Variants in WASHC4 observed in about 807,000 individuals in gnomAD.
The protein encoded by WASHC4 is WASH complex subunit 4.
WASHC4 carries 86 observed loss-of-function variants against 166.6 expected under a neutral mutation model. That is an observed-to-expected ratio of 0.52 (90% CI 0.43 to 0.62). The LOEUF (loss-of-function observed/expected upper bound fraction) is 0.62, where lower values mean the gene tolerates loss of function less well. Ranked by LOEUF, WASHC4 falls within the 20% of genes least tolerant of loss-of-function variation. WASHC4 has a pLI of 0.00. For synonymous variants in WASHC4, 446 were observed against 451.6 expected (o/e 0.99, Z 0.16); for missense variants, 1,262 against 1,382.4 (o/e 0.91, Z 1.38).
At chr12:105,130,072 C>A (rs1274372316) in intron 13 of WASHC4, among the ~76,000 whole-genome samples, 1 of 152,024 alleles carries the variant, frequency 6.6e-6, no homozygotes, top group African/African-American at 2.4e-5. Context: ...ATGAGAAAAC[C>A]CTACAGAGAT....
chr12:105,119,519 A>G (rs1360967249), intron 7 of WASHC4, among the ~76,000 whole-genome samples: 1 of 152,126 alleles, frequency 6.6e-6, no homozygotes, highest in African/African-American at 2.4e-5. Flanking sequence ...AACTCTTTAT[A>G]CTGGAGTGTT....
At chr12:105,162,291 TTAGG>T (rs1434296238) in intron 29 of WASHC4, among the ~76,000 whole-genome samples, 21 of 152,198 alleles carry the variant, frequency 1.4e-4, no homozygotes, top group African/African-American at 4.6e-4. Context: ...TTCGAATGAA[TTAGG>T]TAGGTGTAAG....
At chr12:105,131,656 T>TA (rs1881833552) in intron 13 of WASHC4, among the ~76,000 whole-genome samples, 3 of 152,166 alleles carry the variant, frequency 2.0e-5, no homozygotes, top group Admixed American at 2.0e-4. Context: ...TCCTGCTGAG[T>TA]CTTGATCACA....
intron 13 of WASHC4, among the ~76,000 whole-genome samples, chr12:105,127,620 C>G (rs1422561095): frequency 1.3e-5 from 2 of 152,096 alleles, no homozygotes; most frequent in African/African-American, 4.8e-5. Context: ...TAAAAACATT[C>G]TGTGTCCATG....
At chr12:105,152,252 G>T in intron 25 of WASHC4, 91 bp from the exon 26 acceptor site, 1 of 706,456 alleles carries the variant, frequency 1.4e-6, no homozygotes. Flanking sequence ...ATACAAAATT[G>T]AAAGGAGAGT....
intron 25 of WASHC4, among the ~76,000 whole-genome samples, chr12:105,150,435 T>C (rs564717686): frequency 2.2e-4 from 34 of 152,344 alleles, no homozygotes; most frequent in African/African-American, 7.2e-4. Context: ...GTGGTACATA[T>C]TGCCTAGCAC....
intron 9 of WASHC4, 127 bp from the exon 10 acceptor site, chr12:105,121,991 A>G (rs1408027102): frequency 1.5e-6 from 1 of 667,176 alleles, no homozygotes; most frequent in Non-Finnish European, 2.5e-6. Flanking sequence ...GTTGTGTTCA[A>G]ATTTTCAAAT....
At chr12:105,135,175 C>T (rs1157768046) in intron 14 of WASHC4, among the ~76,000 whole-genome samples, 2 of 151,938 alleles carry the variant, frequency 1.3e-5, no homozygotes, top group African/African-American at 2.4e-5. Context: ...GCATTATTAT[C>T]GCTATTGTTG....
chr12:105,157,639 C>A (rs1366832246), intron 28 of WASHC4, among the ~76,000 whole-genome samples: 1 of 152,128 alleles, frequency 6.6e-6, no homozygotes, highest in African/African-American at 2.4e-5. Context: ...ATGCCAAATA[C>A]CTCAATCATA....
chr12:105,141,561 A>G (rs1055257907), intron 18 of WASHC4, among the ~76,000 whole-genome samples: 7 of 152,226 alleles, frequency 4.6e-5, no homozygotes, highest in Non-Finnish European at 1.0e-4. Flanking sequence ...TTGCTGTATT[A>G]TAACAGGGCT....
At chr12:105,124,775 G>A (rs986298432) in intron 10 of WASHC4, among the ~76,000 whole-genome samples, 16 of 152,218 alleles carry the variant, frequency 1.1e-4, no homozygotes, top group African/African-American at 2.4e-4. Flanking sequence ...CACCATGCCC[G>A]GCCAGGTTAA....
Position 105,140,967 on chromosome 12 carries a change from T to A in WASHC4, c.1629T>A (p.Ala543=). 1 of 1,614,172 alleles carries A rather than the reference T, an allele frequency of 6.2e-7. No homozygotes were observed. Among genetic ancestry groups the A allele is most frequent in the Non-Finnish European group, 8.5e-7 (1 of 1,180,014 alleles). Reference sequence around the variant, plus strand: ...ATGTGCTCTCTGCTCTAGTTTTGGCTGAAAACACTCTAAATGGACCAAGCA... The same window carrying A: ...ATGTGCTCTCTGCTCTAGTTTTGGCAGAAAACACTCTAAATGGACCAAGCA... ...RLDVLSALVL[A]ENTLNGPSTK... The change falls in exon 17 of 33, where the codon GCT becomes GCA. Residue 543 remains alanine (A), a synonymous_variant. Transcript: ENST00000332180.
Position 105,126,332 on chromosome 12 carries a change from T to G in WASHC4, c.1008T>G (p.Phe336Leu), listed in dbSNP as rs1881278732. 3.8e-6 allele frequency: 6 copies of G among 1,589,572 alleles called. No individual in the cohort carries two copies. Among genetic ancestry groups the G allele is most frequent in the Non-Finnish European group, 5.2e-6 (6 of 1,159,086 alleles). Residue 336 changes from phenylalanine to leucine, a missense_variant, in exon 12 of 33, where the codon TTT becomes TTG. Coordinates refer to ENST00000332180, the MANE Select transcript of WASHC4 (RefSeq NM_015275.3). ...TTTTTCGAACTATTGATAAAAAGTT[T>G]TATAAGTCTTTATTGGACATTTGTA... is the stretch of plus-strand genomic sequence containing the variant. ...FQIFRTIDKK[F>L]YKSLLDICKK...
intron 26 of WASHC4, among the ~76,000 whole-genome samples, chr12:105,153,909 C>T (rs1181389585): frequency 6.6e-6 from 1 of 152,086 alleles, no homozygotes; most frequent in Non-Finnish European, 1.5e-5. Context: ...ACTAAGTGTT[C>T]TTTGGTGTGC....
intron 2 of WASHC4, among the ~76,000 whole-genome samples, chr12:105,112,939 G>A (rs183588686): frequency 2.0e-5 from 3 of 152,092 alleles, no homozygotes; most frequent in Non-Finnish European, 4.4e-5. Context: ...TCCAGAGCCT[G>A]TGCCCTTATC....
chr12:105,146,541 T>TA lies in WASHC4; in HGVS notation c.2409+18dup. 3.3e-6 allele frequency: 5 copies of TA among 1,511,398 alleles called. No homozygotes were observed. Among genetic ancestry groups the TA allele is most frequent in the South Asian group, 1.2e-5 (1 of 86,476 alleles). The allele number at this position is 1,511,398 out of a possible 1,614,324, so 93.6% of individuals were successfully genotyped here. A position where few individuals can be genotyped will look rare whatever the true frequency, so the allele number is the denominator to read the frequency against. On this transcript the variant is annotated intron_variant, in intron 23 of 32. Transcript: ENST00000332180. ...TCAACAATCAGGTGAGTAGGGTTTA[T>TA]AAATTTTTTTTTTTTAATGTAGGTG...
At chr12:105,162,514 G>C (rs1433111753) in intron 29 of WASHC4, among the ~76,000 whole-genome samples, 1 of 152,134 alleles carries the variant, frequency 6.6e-6, no homozygotes, top group African/African-American at 2.4e-5. Context: ...GATTGAGGGA[G>C]TGCCCATATT....
At chr12:105,152,516 C>G in intron 26 of WASHC4, 65 bp downstream of exon 26, 1 of 891,652 alleles carries the variant, frequency 1.1e-6, no homozygotes, top group Non-Finnish European at 1.9e-6. Flanking sequence ...CATATATTAA[C>G]TATTTCACAC....
At chr12:105,136,361 T>C (rs1882317480) in intron 14 of WASHC4, among the ~76,000 whole-genome samples, 1 of 152,164 alleles carries the variant, frequency 6.6e-6, no homozygotes, top group South Asian at 2.1e-4. Context: ...CTTGGCCTTA[T>C]ATTTCCTTAT....
Sources: allele counts gnomAD v4.1 joint callset (sites outside exome capture counted in the v4.1 genomes callset), GRCh38; gene constraint gnomAD v4.1.1; transcripts MANE v1.5; gene names NCBI Gene and HGNC (gene_info 2026-07-23, HGNC 2026-07-21).